The following NAV1 variants were observed in gnomAD, a reference collection of about 807,000 sequenced individuals.
The protein encoded by NAV1 is neuron navigator 1.
Under a neutral mutation model 175.2 loss-of-function variants are expected in NAV1, and 18 were observed. The ratio of observed to expected loss-of-function variants is 0.10; its 90% CI spans 0.07 to 0.15. The LOEUF (loss-of-function observed/expected upper bound fraction) is 0.15, where lower values mean the gene tolerates loss of function less well. NAV1 is among the 10% of genes least tolerant of loss of function. The pLI is 1.00. For missense variants in NAV1, 1,731 were observed against 2,436.6 expected, an observed-to-expected ratio of 0.71 and a Z score of 6.10; for synonymous variants, 897 against 978.7, an observed-to-expected ratio of 0.92 and a Z score of 1.56.
chr1:201,667,081 A>G (rs1478299143), intron 1 of NAV1, among the ~76,000 whole-genome samples: 3 of 152,160 alleles, frequency 2.0e-5, no homozygotes, highest in Admixed American at 2.0e-4. Flanking sequence ...TTTAATGGCA[A>G]GCCACAACAT....
At chr1:201,591,644 A>T in intron 2 of NAV1, among the ~76,000 whole-genome samples, 1 of 151,934 alleles carries the variant, frequency 6.6e-6, no homozygotes, top group Non-Finnish European at 1.5e-5. Flanking sequence ...TGGGTAGGAG[A>T]CCCATCGCTC....
intron 1 of NAV1, among the ~76,000 whole-genome samples, chr1:201,651,777 T>G (rs1423742190): frequency 6.6e-6 from 1 of 152,090 alleles, no homozygotes; most frequent in African/African-American, 2.4e-5. Context: ...TACAGAGGGC[T>G]GAGGGGCTTA....
intron 1 of NAV1, among the ~76,000 whole-genome samples, chr1:201,574,784 C>G (rs1287705899): frequency 6.6e-6 from 1 of 152,250 alleles, no homozygotes; most frequent in Non-Finnish European, 1.5e-5. Flanking sequence ...CCCTGACCCT[C>G]CCTGCCTCTG....
chr1:201,645,621 G>A (rs2102324734), upstream of NAV1, among the ~76,000 whole-genome samples: 1 of 152,198 alleles, frequency 6.6e-6, no homozygotes, highest in Admixed American at 6.5e-5. Context: ...TCAGAGATGA[G>A]GGACCAAATT....
intron 7 of NAV1, among the ~76,000 whole-genome samples, chr1:201,784,892 C>T (rs932194231): frequency 1.6e-4 from 24 of 151,992 alleles, no homozygotes; most frequent in Non-Finnish European, 2.9e-4. Flanking sequence ...CTCAGCCTCC[C>T]GAGTAGCTGG....
At chr1:201,673,769 G>T (rs964838466) in intron 1 of NAV1, 18 of 152,286 alleles carry the variant, frequency 1.2e-4, no homozygotes, top group African/African-American at 4.1e-4. Context: ...GCCTTGTCTA[G>T]AGCCTAGATG....
chr1:201,768,133 T>C (rs1405047094), intron 3 of NAV1, among the ~76,000 whole-genome samples: 3 of 152,132 alleles, frequency 2.0e-5, no homozygotes, highest in Non-Finnish European at 4.4e-5. Flanking sequence ...GAGACCAGCC[T>C]GGACAACATG....
chr1:201,570,220 G>A (rs1335812181), intron 1 of NAV1, among the ~76,000 whole-genome samples: 8 of 152,178 alleles, frequency 5.3e-5, no homozygotes, highest in Admixed American at 3.9e-4. Context: ...TGTAGGCTGT[G>A]CCCAGGGCTG....
At chr1:201,794,544 G>A in exon 15 of NAV1, 1 of 1,613,934 alleles carries the variant, frequency 6.2e-7, no homozygotes, top group Non-Finnish European at 8.5e-7. Flanking sequence ...AGTCATTCAG[G>A]GAGCCCTTAA....
intron 1 of NAV1, among the ~76,000 whole-genome samples, chr1:201,654,228 G>T (rs1470382150): frequency 3.3e-5 from 5 of 152,166 alleles, no homozygotes; most frequent in Non-Finnish European, 5.9e-5. Flanking sequence ...ATCCATCACT[G>T]ATGGCTCTAA....
intron 1 of NAV1, among the ~76,000 whole-genome samples, chr1:201,576,761 A>C (rs1666702954): frequency 6.6e-6 from 1 of 152,212 alleles, no homozygotes; most frequent in African/African-American, 2.4e-5. Context: ...CAATGTATGA[A>C]TGATCCAGTT....
rs1385116665 is a variant in NAV1, at chr1:201,740,235, C to T, written c.1226+21480C>T. Among the ~76,000 whole-genome samples, 1 of 152,194 alleles carries T rather than the reference C, an allele frequency of 6.6e-6. No homozygotes were observed. The highest frequency in any genetic ancestry group is 1.5e-5 in the Non-Finnish European group (1 of 68,042). ...CAAGAAGGAGGGTCTTGGCCGCGCT[C>T]GCTTTTCCGCCAGAGAGGAGTGCCT... is the stretch of plus-strand genomic sequence containing the variant. On this transcript the variant is annotated intron_variant, in intron 3 of 29. Transcript: ENST00000367296. The surrounding 1 kb of genome is among the most constrained non-coding windows in gnomAD (Gnocchi z 4.7).
At chr1:201,569,419 G>T (rs960390503) in intron 1 of NAV1, among the ~76,000 whole-genome samples, 1 of 152,200 alleles carries the variant, frequency 6.6e-6, no homozygotes, top group Non-Finnish European at 1.5e-5. Flanking sequence ...TGAAACAAAT[G>T]ACTCCAGGGA....
chr1:201,770,255 G>A (rs948691256), intron 3 of NAV1, among the ~76,000 whole-genome samples: 3 of 152,186 alleles, frequency 2.0e-5, no homozygotes, highest in Admixed American at 1.3e-4. Flanking sequence ...CACAAACAGA[G>A]CAGTGTTCAG....
At position 201,694,388 on chromosome 1, in the gene NAV1, C is replaced by A. The variant is rs1053805180; in HGVS notation, c.758-18429C>A. ...TTTCCCATCGCTTCTCTCATCCCTC[C>A]TTCTGAGCCTAGGGTGCCCCCTTTG... On this transcript the variant is annotated intron_variant, in intron 1 of 29. Transcript: ENST00000367296. This position sits in a 1 kb window ranked among gnomAD's most constrained non-coding sequence, Gnocchi z 4.2. 6.6e-6 allele frequency among the ~76,000 whole-genome samples: 1 copy of A among 152,218 alleles called. No homozygotes were observed. Among genetic ancestry groups the A allele is most frequent in the Non-Finnish European group, 1.5e-5 (1 of 68,028 alleles).
chr1:201,611,771 C>T (rs1302827366), intron 2 of NAV1, among the ~76,000 whole-genome samples: 1 of 152,182 alleles, frequency 6.6e-6, no homozygotes, highest in Non-Finnish European at 1.5e-5. Flanking sequence ...GGCCTGGAGC[C>T]TCTGAGATGA....
At chr1:201,555,811 G>A (rs1472538360) in intron 1 of NAV1, among the ~76,000 whole-genome samples, 5 of 148,524 alleles carry the variant, frequency 3.4e-5, no homozygotes, top group African/African-American at 9.9e-5. Context: ...GTGGGGATTC[G>A]GGAGCCAGAT....
At chr1:201,612,771 G>A (rs1012267492) in intron 2 of NAV1, among the ~76,000 whole-genome samples, 33 of 152,152 alleles carry the variant, frequency 2.2e-4, no homozygotes, top group African/African-American at 8.0e-4. Flanking sequence ...ACAAGCACTC[G>A]GAGCATGGCA....
chr1:201,616,492 T>TC (rs1387512161), intron 2 of NAV1, among the ~76,000 whole-genome samples: 3 of 149,150 alleles, frequency 2.0e-5, no homozygotes, highest in South Asian at 2.1e-4. Flanking sequence ...TCTCTCTCTC[T>TC]TTTTTTTTTC....
Sources: gnomAD v4.1 joint callset for allele counts (sites outside exome capture counted in the v4.1 genomes callset) on GRCh38, gnomAD v4.1.1 for gene constraint, Gnocchi (gnomAD v3.1) non-coding constraint, MANE v1.5 for transcripts, NCBI Gene and HGNC (gene_info 2026-07-23, HGNC 2026-07-21) for gene names.